The following TPH2 variants were observed in gnomAD, a reference collection of about 807,000 sequenced individuals.
TPH2 encodes the protein tryptophan 5-hydroxylase 2.
A neutral mutation model predicts 59.1 loss-of-function variants in TPH2; 27 were observed. The ratio of observed to expected loss-of-function variants is 0.46; its 90% confidence interval spans 0.34 to 0.63. The LOEUF (loss-of-function observed/expected upper bound fraction) is 0.63, where lower values mean the gene tolerates loss of function less well. Ranked by LOEUF, TPH2 falls within the 30% of genes least tolerant of loss-of-function variation. The probability of loss-of-function intolerance (pLI) is 0.01; values close to 1 mark genes in which losing one functional copy is unlikely to be tolerated. For missense variants in TPH2, 523 were observed against 588.3 expected, an observed-to-expected ratio of 0.89 and a Z score of 1.15; for synonymous variants, 220 against 210.5, an observed-to-expected ratio of 1.05 and a Z score of -0.39.
chr12:71,948,425 G>T (rs559712011), intron 4 of TPH2, among the ~76,000 whole-genome samples: 1 of 152,110 alleles, frequency 6.6e-6, no homozygotes, highest in Non-Finnish European at 1.5e-5. Flanking sequence ...CTGAAAGAAA[G>T]GTTGTTGACA....
At chr12:71,949,059 A>T (rs1340909052) in intron 4 of TPH2, among the ~76,000 whole-genome samples, 2 of 152,206 alleles carry the variant, frequency 1.3e-5, no homozygotes, top group Non-Finnish European at 2.9e-5. Context: ...TCGATTTTGC[A>T]TTATGTGGCT....
At chr12:71,995,638 G>T (rs1023826651) in intron 8 of TPH2, among the ~76,000 whole-genome samples, 2 of 152,138 alleles carry the variant, frequency 1.3e-5, no homozygotes, top group African/African-American at 4.8e-5. Flanking sequence ...AGGACCTCTG[G>T]GGTCAGTATG....
rs188357590 is a variant in TPH2, at chr12:71,945,673, C to A, written c.540+987C>A. On this transcript the variant is annotated intron_variant, in intron 4 of 10. Coordinates refer to ENST00000333850, the MANE Select transcript of TPH2 (RefSeq NM_173353.4). ...ACCTGGGAATTTGTTTTAACAAGCC[C>A]GCCCTTAAGTTTGAGAACCCCTGTT... Among the ~76,000 whole-genome samples the A allele has an allele frequency of 3.2e-4, 49 of 152,162 alleles. 1 individual carries two copies. In the East Asian group the frequency reaches 8.7e-3, roughly 27 times the overall value.
At chr12:72,001,375 C>T (rs1465803493) in intron 8 of TPH2, among the ~76,000 whole-genome samples, 1 of 151,912 alleles carries the variant, frequency 6.6e-6, no homozygotes, top group Non-Finnish European at 1.5e-5. Context: ...AAAGGAGGGA[C>T]CCATGGGCAA....
intron 7 of TPH2, 127 bp from the exon 8 acceptor site, chr12:71,994,312 C>G: frequency 1.0e-6 from 1 of 980,612 alleles, no homozygotes; most frequent in Non-Finnish European, 1.6e-6. Context: ...GAAGTCCCAG[C>G]ATTGATGAAC....
At chr12:71,951,757 G>A (rs1871356018) in intron 5 of TPH2, among the ~76,000 whole-genome samples, 1 of 152,034 alleles carries the variant, frequency 6.6e-6, no homozygotes, top group Non-Finnish European at 1.5e-5. Context: ...CGGGTACAGT[G>A]GCTCATGCCT....
chr12:71,940,076 A>T (rs921494910), intron 1 of TPH2, among the ~76,000 whole-genome samples: 1 of 152,218 alleles, frequency 6.6e-6, no homozygotes, highest in African/African-American at 2.4e-5. Context: ...ATGTAAATAG[A>T]TTTTTTAACA....
chr12:72,010,282 A>G (rs1873065426), intron 8 of TPH2, among the ~76,000 whole-genome samples: 1 of 152,174 alleles, frequency 6.6e-6, no homozygotes, highest in African/African-American at 2.4e-5. Flanking sequence ...AGGCTTCAGT[A>G]ACTGGCAGTG....
In TPH2 at chr12:72,029,397, A is replaced by T. The variant is rs1473152403; in HGVS notation, c.1165-1861A>T. On this transcript the variant is annotated intron_variant, in intron 9 of 10. Coordinates refer to ENST00000333850, the MANE Select transcript of TPH2 (RefSeq NM_173353.4). ...ATGGACTGTTAGAACAACGTAGTAC[A>T]TTAAATGTAACCAGAGTGTACGGAT... 2.0e-5 allele frequency among the ~76,000 whole-genome samples: 3 copies of T among 152,212 alleles called. No individual in the cohort carries two copies. In the East Asian group the frequency reaches 5.8e-4, roughly 29 times the overall value.
At chr12:72,003,601 A>G (rs1364288211) in intron 8 of TPH2, among the ~76,000 whole-genome samples, 1 of 152,158 alleles carries the variant, frequency 6.6e-6, no homozygotes, top group Non-Finnish European at 1.5e-5. Flanking sequence ...CTTTCTGCTG[A>G]CTAATTCTCT....
At chr12:71,982,979 T>C (rs1872327034) in intron 7 of TPH2, among the ~76,000 whole-genome samples, 1 of 152,192 alleles carries the variant, frequency 6.6e-6, no homozygotes, top group African/African-American at 2.4e-5. Flanking sequence ...CTGGCTTCTC[T>C]AAACCTGATA....
At chr12:71,993,159 T>C (rs947122170) in intron 7 of TPH2, among the ~76,000 whole-genome samples, 12 of 152,204 alleles carry the variant, frequency 7.9e-5, no homozygotes, top group Admixed American at 7.2e-4. Context: ...GGGAATAAGA[T>C]TTTTTGATTG....
intron 8 of TPH2, among the ~76,000 whole-genome samples, chr12:71,994,809 T>C (rs1210528841): frequency 6.6e-6 from 1 of 152,200 alleles, no homozygotes; most frequent in Non-Finnish European, 1.5e-5. Flanking sequence ...ATAGTAAACA[T>C]ATTAGGTTTG....
chr12:72,027,670 G>T (rs975642100), intron 9 of TPH2, among the ~76,000 whole-genome samples: 1 of 152,256 alleles, frequency 6.6e-6, no homozygotes, highest in Admixed American at 6.6e-5. Context: ...ATATTGAAAA[G>T]AAATTTTTAT....
chr12:72,017,319 C>A (rs980161578), intron 8 of TPH2, among the ~76,000 whole-genome samples: 4 of 152,146 alleles, frequency 2.6e-5, no homozygotes, highest in Non-Finnish European at 5.9e-5. Context: ...GGGTCGACAG[C>A]GTGTTTGGAT....
Position 72,032,275 on chromosome 12 carries a change from G to T in TPH2, c.*580G>T. 6.3e-6 allele frequency: 1 copy of T among 158,106 alleles called. No homozygotes were observed. Among genetic ancestry groups the T allele is most frequent in the Admixed American group, 6.0e-5 (1 of 16,544 alleles). The allele number at this position is 158,106 out of a possible 1,614,324, so 9.8% of individuals were successfully genotyped here. A position where few individuals can be genotyped will look rare whatever the true frequency, so the allele number is the denominator to read the frequency against. On this transcript the variant is annotated 3_prime_UTR_variant, in exon 11 of 11. Coordinates refer to ENST00000333850, the MANE Select transcript of TPH2 (RefSeq NM_173353.4). ...TGCAAGAAAACACCTTTTTACAAAT[G>T]GAATTATGTAGGTTGCGTTGACCTT... is the stretch of plus-strand genomic sequence containing the variant.
At chr12:72,028,796 C>T (rs1255434060) in intron 9 of TPH2, among the ~76,000 whole-genome samples, 1 of 152,144 alleles carries the variant, frequency 6.6e-6, no homozygotes, top group Non-Finnish European at 1.5e-5. Flanking sequence ...GGGTAGGCTG[C>T]GTTTTTGAGA....
intron 7 of TPH2, among the ~76,000 whole-genome samples, chr12:71,994,145 A>G (rs1872639473): frequency 6.6e-6 from 1 of 152,252 alleles, no homozygotes. Flanking sequence ...AATAAAAGAT[A>G]TAAAGCATAC....
At chr12:72,028,897 T>C (rs937717106) in intron 9 of TPH2, among the ~76,000 whole-genome samples, 1 of 152,248 alleles carries the variant, frequency 6.6e-6, no homozygotes, top group Non-Finnish European at 1.5e-5. Context: ...AAATTACATG[T>C]GTGTGAACCC....
Sources: allele counts gnomAD v4.1 joint callset (sites outside exome capture counted in the v4.1 genomes callset), GRCh38; gene constraint gnomAD v4.1.1; transcripts MANE v1.5; gene names NCBI Gene and HGNC (gene_info 2026-07-23, HGNC 2026-07-21).